EYS: variants seen among roughly 807,000 people sequenced by gnomAD.
EYS encodes protein eyes shut homolog.
EYS carries 250 observed loss-of-function variants against 282.1 expected under a neutral mutation model. The ratio of observed to expected loss-of-function variants is 0.89; its 90% CI spans 0.80 to 0.98. The LOEUF (loss-of-function observed/expected upper bound fraction) is 0.98, where lower values mean the gene tolerates loss of function less well. Ranked by LOEUF, EYS falls within the 50% of genes least tolerant of loss-of-function variation. EYS has a pLI of 0.00. For missense variants in EYS, 4,016 were observed against 3,709.0 expected (o/e 1.08, Z -2.15); for synonymous variants, 1,355 against 1,282.9 (o/e 1.06, Z -1.20).
At chr6:65,282,855 T>C (rs947254431) in intron 12 of EYS, among the ~76,000 whole-genome samples, 11 of 152,004 alleles carry the variant, frequency 7.2e-5, no homozygotes, top group Admixed American at 2.0e-4. Context: ...TGATTATTGG[T>C]CTTATTTGTA....
At chr6:64,084,311 TC>T (rs1409185616) in intron 31 of EYS, among the ~76,000 whole-genome samples, 1 of 152,214 alleles carries the variant, frequency 6.6e-6, no homozygotes, top group Non-Finnish European at 1.5e-5. Context: ...TTTGCCTGTG[TC>T]AGTGCAAACA....
At chr6:65,378,260 T>C (rs971395663) in intron 8 of EYS, among the ~76,000 whole-genome samples, 3 of 152,154 alleles carry the variant, frequency 2.0e-5, no homozygotes, top group African/African-American at 7.2e-5. Flanking sequence ...AAGACATTTA[T>C]GCAGTCAACA....
chr6:64,545,172 A>G (rs62415788), intron 26 of EYS, among the ~76,000 whole-genome samples: 14,368 of 152,226 alleles, frequency 0.094, 862 homozygotes, highest in East Asian at 0.16. Flanking sequence ...CTTATCCACC[A>G]TGATCAAGTG....
intron 23 of EYS, 150 bp downstream of exon 23, chr6:64,625,971 T>C: frequency 1.9e-6 from 1 of 523,494 alleles, no homozygotes; most frequent in Non-Finnish European, 3.4e-6. Flanking sequence ...TTTTAAAGAA[T>C]GATCATTGCT....
At chr6:63,754,960 A>G (rs528634667) in intron 41 of EYS, among the ~76,000 whole-genome samples, 4 of 152,168 alleles carry the variant, frequency 2.6e-5, no homozygotes, top group South Asian at 2.1e-4. Context: ...GCATGTTTTT[A>G]TATGTCTGTT....
chr6:64,294,509 C>A (rs946366956), intron 30 of EYS, among the ~76,000 whole-genome samples: 3 of 152,120 alleles, frequency 2.0e-5, no homozygotes, highest in African/African-American at 4.8e-5. Flanking sequence ...AGACTACATT[C>A]CCTGTAATAA....
chr6:64,272,988 T>A (rs911709543), intron 30 of EYS, among the ~76,000 whole-genome samples: 1 of 152,146 alleles, frequency 6.6e-6, no homozygotes. Context: ...AATGTTTTTG[T>A]ATTTTCTTTT....
chr6:65,664,488 G>T (rs1035992317), intron 1 of EYS, among the ~76,000 whole-genome samples: 7 of 152,142 alleles, frequency 4.6e-5, no homozygotes, highest in Non-Finnish European at 8.8e-5. Context: ...AAAGAAAGTT[G>T]AAGAGAGGAG....
chr6:64,199,136 T>C (rs1765386601), intron 31 of EYS, among the ~76,000 whole-genome samples: 1 of 152,096 alleles, frequency 6.6e-6, no homozygotes, highest in African/African-American at 2.4e-5. Context: ...AAGACAACCC[T>C]AAGCAAAAAG....
intron 5 of EYS, among the ~76,000 whole-genome samples, chr6:65,409,336 C>T (rs1766884075): frequency 6.6e-6 from 1 of 152,150 alleles, no homozygotes; most frequent in South Asian, 2.1e-4. Flanking sequence ...TTGTATAGAA[C>T]TTGGATCAGC....
At chr6:64,096,832 T>C (rs927303699) in intron 31 of EYS, among the ~76,000 whole-genome samples, 1 of 152,156 alleles carries the variant, frequency 6.6e-6, no homozygotes, top group East Asian at 1.9e-4. Context: ...GCTGCTCTGG[T>C]TTTTAGAGTT....
intron 30 of EYS, among the ~76,000 whole-genome samples, chr6:64,282,899 C>T (rs145730233): frequency 1.9e-4 from 29 of 152,244 alleles, no homozygotes; most frequent in Middle Eastern, 3.4e-3. Flanking sequence ...TCAGTTCTGT[C>T]TCTTATAGTT....
At chr6:65,200,207 G>A (rs1765866522) in intron 12 of EYS, among the ~76,000 whole-genome samples, 1 of 148,054 alleles carries the variant, frequency 6.8e-6, no homozygotes, top group South Asian at 2.1e-4. Context: ...GTGTGACTGA[G>A]TGAATTGTGG....
chr6:65,195,500 C>T (rs1765742984), intron 12 of EYS, among the ~76,000 whole-genome samples: 1 of 151,972 alleles, frequency 6.6e-6, no homozygotes, highest in Non-Finnish European at 1.5e-5. Context: ...CTTCCTTTTC[C>T]CTTCTTTAAA....
intron 12 of EYS, among the ~76,000 whole-genome samples, chr6:65,166,868 T>G (rs1272728966): frequency 3.3e-5 from 5 of 150,980 alleles, no homozygotes; most frequent in African/African-American, 4.8e-5. Flanking sequence ...CAATTAAAAG[T>G]GGACAAGGAA....
intron 31 of EYS, among the ~76,000 whole-genome samples, chr6:64,229,346 C>T (rs1295906725): frequency 6.6e-6 from 1 of 152,064 alleles, no homozygotes; most frequent in African/African-American, 2.4e-5. Context: ...AAAAAGCCCT[C>T]TCAGAATTTT....
chr6:64,829,759 T>A (rs1318981675), intron 19 of EYS, among the ~76,000 whole-genome samples: 7 of 151,836 alleles, frequency 4.6e-5, no homozygotes, highest in Non-Finnish European at 1.0e-4. Flanking sequence ...TCCCAATAGG[T>A]ATAATATATG....
chr6:65,594,799 C>T (rs978735877), intron 2 of EYS, among the ~76,000 whole-genome samples: 1 of 152,002 alleles, frequency 6.6e-6, no homozygotes, highest in Non-Finnish European at 1.5e-5. Flanking sequence ...GGTTTTAGGT[C>T]TAACATTTAA....
chr6:64,177,579 T>C (rs796215412), intron 31 of EYS, among the ~76,000 whole-genome samples: 8 of 152,240 alleles, frequency 5.3e-5, no homozygotes, highest in African/African-American at 1.7e-4. Flanking sequence ...GGTGATTGCA[T>C]TGCTAATCAC....
Sources: gnomAD v4.1 joint callset for allele counts (sites outside exome capture counted in the v4.1 genomes callset) on GRCh38, gnomAD v4.1.1 for gene constraint, MANE v1.5 for transcripts, NCBI Gene and HGNC (gene_info 2026-07-23, HGNC 2026-07-21) for gene names.